The following CPNE4 variants were observed in gnomAD, a reference collection of about 807,000 sequenced individuals.
CPNE4 encodes copine-4.
CPNE4 carries 25 observed loss-of-function variants against 67.9 expected under a neutral mutation model. The ratio of observed to expected loss-of-function variants is 0.37; its 90% CI spans 0.27 to 0.51. The LOEUF (loss-of-function observed/expected upper bound fraction) is 0.51, where lower values mean the gene tolerates loss of function less well. Among genes scored for constraint, CPNE4 ranks in the 20% least tolerant of loss-of-function variants. The pLI is 0.93. For synonymous variants in CPNE4, 242 were observed against 244.9 expected, an observed-to-expected ratio of 0.99 and a Z score of 0.11; for missense variants, 464 against 690.8, an observed-to-expected ratio of 0.67 and a Z score of 3.68.
At chr3:131,941,281 TTAC>T (rs1583484714) in intron 1 of CPNE4, among the ~76,000 whole-genome samples, 2 of 152,186 alleles carry the variant, frequency 1.3e-5, no homozygotes, top group East Asian at 3.9e-4. Context: ...TCTAATTATT[TTAC>T]TACATTTTAC....
At chr3:132,013,337 G>A (rs1694845371) in intron 1 of CPNE4, among the ~76,000 whole-genome samples, 1 of 152,054 alleles carries the variant, frequency 6.6e-6, no homozygotes, top group South Asian at 2.1e-4. Context: ...GTTGTTTTTA[G>A]GAGTGAATAA....
At position 131,696,597 on chromosome 3, in the gene CPNE4, G is replaced by A; in HGVS notation, c.452C>T (p.Ser151Phe). ...SSITVIAEEL[S>F]GNDDYVELAF... ...AAGCTCAACATAGTCGTCATTGCCA[G>A]ATAATTCTTCAGCAATCACCTAAAG... The change falls in exon 5 of 16, where the codon TCT becomes TTT. Residue 151 changes from serine to phenylalanine, a missense_variant. By Grantham distance (155) the Ser-to-Phe change is radical (BLOSUM62 -2). This residue lies in a region of CPNE4 where 170 missense variants were observed against 203.3 expected (regional missense o/e 0.84). Coordinates refer to ENST00000429747, the MANE Select transcript of CPNE4 (RefSeq NM_130808.3). 1 of 1,613,962 alleles carries A rather than the reference G, an allele frequency of 6.2e-7. No individual in the cohort carries two copies. Among genetic ancestry groups the A allele is most frequent in the Non-Finnish European group, 8.5e-7 (1 of 1,179,890 alleles).
chr3:131,792,727 A>ACACACG (rs1325265388), intron 2 of CPNE4, among the ~76,000 whole-genome samples: 10 of 127,524 alleles, frequency 7.8e-5, no homozygotes, highest in Admixed American at 1.7e-4. Flanking sequence ...ATGTATATAT[A>ACACACG]TACACGTGTG....
chr3:132,028,608 A>T (rs2074167940), intron 1 of CPNE4, among the ~76,000 whole-genome samples: 1 of 152,230 alleles, frequency 6.6e-6, no homozygotes, highest in South Asian at 2.1e-4. Context: ...AACCTGTGTT[A>T]AGCTCCTATT....
At chr3:131,626,939 A>G (rs1022187076) in intron 7 of CPNE4, among the ~76,000 whole-genome samples, 10 of 152,154 alleles carry the variant, frequency 6.6e-5, no homozygotes, top group African/African-American at 2.4e-4. Context: ...TCACGCCTGT[A>G]ATGCCAGCAC....
chr3:131,771,879 G>A (rs73220490), intron 2 of CPNE4, among the ~76,000 whole-genome samples: 9,249 of 152,186 alleles, frequency 0.061, 348 homozygotes, highest in Non-Finnish European at 0.089. Flanking sequence ...GTTAGAGGTT[G>A]GAGCTGGGTT....
intron 6 of CPNE4, among the ~76,000 whole-genome samples, chr3:131,679,356 T>C (rs929982232): frequency 6.6e-6 from 1 of 151,730 alleles, no homozygotes; most frequent in Non-Finnish European, 1.5e-5. Context: ...TGGTCTACTA[T>C]AATATTATTA....
rs1231560274 is a variant in CPNE4 at position 131,649,363 on chromosome 3, T to C, written c.681+20312A>G. ...GTCCTACAATGCATCAGTGCTGAAG[T>C]AGAAGAATTCAGGACAGTAAATTAG... is the stretch of plus-strand genomic sequence containing the variant. On this transcript the variant is annotated intron_variant, in intron 7 of 15. Coordinates refer to ENST00000429747, the MANE Select transcript of CPNE4 (RefSeq NM_130808.3). Among the ~76,000 whole-genome samples the C allele has an allele frequency of 5.9e-5, 9 of 152,132 alleles. 1 individual carries two copies. Among genetic ancestry groups the C allele is most frequent in the Non-Finnish European group, 1.2e-4 (8 of 68,026 alleles).
At chr3:131,828,050 C>G (rs1048215585) in intron 2 of CPNE4, among the ~76,000 whole-genome samples, 1 of 151,524 alleles carries the variant, frequency 6.6e-6, no homozygotes, top group African/African-American at 2.4e-5. Context: ...TGTGATAAGT[C>G]ATATATATGG....
chr3:131,751,775 GT>G (rs767616654), intron 2 of CPNE4, among the ~76,000 whole-genome samples: 10 of 109,906 alleles, frequency 9.1e-5, no homozygotes, highest in East Asian at 2.9e-4. Flanking sequence ...TTTTTTTTTT[GT>G]TTTTTTGTTT....
chr3:131,729,664 A>G (rs143394830), intron 2 of CPNE4, among the ~76,000 whole-genome samples: 1 of 152,298 alleles, frequency 6.6e-6, no homozygotes, highest in African/African-American at 2.4e-5. Flanking sequence ...ACTCCTTAAC[A>G]GTTTGCTGGT....
intron 1 of CPNE4, among the ~76,000 whole-genome samples, chr3:131,997,311 A>G (rs764864604): frequency 6.6e-6 from 1 of 152,138 alleles, no homozygotes; most frequent in Non-Finnish European, 1.5e-5. Context: ...AAATAGTTCC[A>G]TCTCCTCCCC....
At chr3:131,920,629 C>CAA (rs1026379648) in intron 1 of CPNE4, among the ~76,000 whole-genome samples, 1 of 135,328 alleles carries the variant, frequency 7.4e-6, no homozygotes, top group African/African-American at 2.7e-5. Flanking sequence ...ATTTTAAATA[C>CAA]AAAAAAAAAA....
intron 2 of CPNE4, among the ~76,000 whole-genome samples, chr3:131,726,355 G>T (rs1431790267): frequency 6.6e-6 from 1 of 152,222 alleles, no homozygotes; most frequent in Non-Finnish European, 1.5e-5. Context: ...TTGGTTTTTT[G>T]AGCGAAATGA....
intron 5 of CPNE4, among the ~76,000 whole-genome samples, chr3:131,687,931 T>C (rs2080935227): frequency 6.6e-6 from 1 of 152,162 alleles, no homozygotes; most frequent in South Asian, 2.1e-4. Context: ...TAGAGGGGGA[T>C]ACCCCAAGTA....
At chr3:131,954,306 T>A (rs2071869906) in intron 1 of CPNE4, among the ~76,000 whole-genome samples, 1 of 152,124 alleles carries the variant, frequency 6.6e-6, no homozygotes, top group Admixed American at 6.5e-5. Context: ...ATATGAATGC[T>A]CAAGTTGAGA....
intron 1 of CPNE4, among the ~76,000 whole-genome samples, chr3:131,995,948 C>T (rs1365867367): frequency 3.9e-5 from 6 of 152,204 alleles, no homozygotes; most frequent in African/African-American, 1.4e-4. Context: ...GGTCAGTAAA[C>T]TCTATCACTA....
chr3:131,581,978 A>T (rs1161728450), intron 8 of CPNE4, among the ~76,000 whole-genome samples: 2 of 152,170 alleles, frequency 1.3e-5, no homozygotes, highest in Admixed American at 1.3e-4. Context: ...ATCTCATAGG[A>T]TTATTGTGAA....
At chr3:131,879,374 C>T (rs191858512) in intron 2 of CPNE4, among the ~76,000 whole-genome samples, 24 of 152,278 alleles carry the variant, frequency 1.6e-4, no homozygotes, top group Admixed American at 5.2e-4. Context: ...AATCTCAACA[C>T]GTAAAAGAAG....
Sources: allele counts gnomAD v4.1 joint callset (sites outside exome capture counted in the v4.1 genomes callset), GRCh38; gene constraint gnomAD v4.1.1; regional missense constraint gnomAD v4.1.1; transcripts MANE v1.5; gene names NCBI Gene and HGNC (gene_info 2026-07-23, HGNC 2026-07-21).